SH2D3C: variants seen among roughly 807,000 people sequenced by gnomAD.
SH2D3C encodes the protein SH2 domain containing 3C, also known as SH2 domain-containing protein 3C.
SH2D3C carries 25 observed loss-of-function variants against 75.2 expected under a neutral mutation model. The ratio of observed to expected loss-of-function variants is 0.33; its 90% confidence interval spans 0.24 to 0.46. The LOEUF (loss-of-function observed/expected upper bound fraction) is 0.46. SH2D3C is among the 20% of genes least tolerant of loss of function. The pLI, the probability that SH2D3C is intolerant of heterozygous loss-of-function variation, is 1.00. For missense variants in SH2D3C, 933 were observed against 1,165.3 expected, an observed-to-expected ratio of 0.80 and a Z score of 2.90; for synonymous variants, 450 against 473.7, an observed-to-expected ratio of 0.95 and a Z score of 0.65.
intron 3 of SH2D3C, among the ~76,000 whole-genome samples, chr9:127,755,498 G>C (rs1311364411): frequency 2.0e-5 from 3 of 152,216 alleles, no homozygotes; most frequent in African/African-American, 7.2e-5. Context: ...AGCGGGATCG[G>C]GTGGGGACCC....
At chr9:127,765,358 G>T (rs1845614201) in intron 2 of SH2D3C, among the ~76,000 whole-genome samples, 1 of 152,156 alleles carries the variant, frequency 6.6e-6, no homozygotes, top group Non-Finnish European at 1.5e-5. Context: ...TAGAATGTCA[G>T]CCCCACAAGG....
intron 1 of SH2D3C, among the ~76,000 whole-genome samples, chr9:127,775,440 G>T (rs939238774): frequency 1.3e-5 from 2 of 151,942 alleles, no homozygotes; most frequent in African/African-American, 4.8e-5. Context: ...GACCAGCCTG[G>T]TCAACATGGT....
intron 6 of SH2D3C, among the ~76,000 whole-genome samples, chr9:127,746,503 T>C (rs1359027725): frequency 6.6e-6 from 1 of 152,198 alleles, no homozygotes; most frequent in Non-Finnish European, 1.5e-5. Flanking sequence ...AAAAATAAAG[T>C]CTATTAAGAA....
At chr9:127,761,563 C>G in intron 3 of SH2D3C, 48 bp downstream of exon 3, 1 of 1,429,062 alleles carries the variant, frequency 7.0e-7, no homozygotes. Context: ...GGAGCAGGCT[C>G]TGAGACCTTC....
intron 3 of SH2D3C, chr9:127,755,203 T>G: frequency 8.9e-7 from 1 of 1,123,224 alleles, no homozygotes; most frequent in Non-Finnish European, 1.1e-6. Context: ...GGGGGGGCGG[T>G]GGCCGGCGGG....
Position 127,774,158 on chromosome 9 carries a change from C to T in SH2D3C, c.347G>A (p.Gly116Asp), listed in dbSNP as rs372714580. Residue 116 changes from glycine (G) to aspartate (D), a missense_variant, in exon 2 of 12, where the codon GGC becomes GAC. Coordinates refer to ENST00000314830, the MANE Select transcript of SH2D3C (RefSeq NM_170600.3). The surrounding 1 kb of genome is among the most constrained non-coding windows in gnomAD (Gnocchi z 4.3). ...LVPGGVPDPP[G>D]LEAAKEVMVK... Reference sequence around the variant, plus strand: ...CATCACCTCTTTGGCTGCCTCCAAGCCTGGGGGGTCGGGTACACCTCCGGG... The same window carrying T: ...CATCACCTCTTTGGCTGCCTCCAAGTCTGGGGGGTCGGGTACACCTCCGGG... 5.1e-5 allele frequency: 83 copies of T among 1,613,964 alleles called. No homozygotes were observed. Among genetic ancestry groups the T allele is most frequent in the Non-Finnish European group, 6.5e-5 (77 of 1,180,006 alleles).
chr9:127,771,437 T>G, intron 2 of SH2D3C: 1 of 1,215,360 alleles, frequency 8.2e-7, no homozygotes, highest in Non-Finnish European at 1.1e-6. Flanking sequence ...GCTCTCCGCC[T>G]CGAACACGGC....
chr9:127,740,118 C>T lies in SH2D3C; in HGVS notation c.2200+140G>A, dbSNP rs576427550. ...AGCCTGGACATGAACAGGGCTGACA[C>T]AGCTGCCAGCAGGAACAGTGAGCTC... On this transcript the variant is annotated intron_variant, in intron 10 of 11. Transcript: ENST00000314830. 8.0e-4 allele frequency: 630 copies of T among 789,354 alleles called. 4 individuals carry two copies. The South Asian group carries it at 0.01, about 13-fold the overall frequency. 48.9% of individuals were successfully genotyped at this position (789,354 alleles called of 1,614,324 possible).
intron 6 of SH2D3C, among the ~76,000 whole-genome samples, chr9:127,746,527 G>T (rs1437696695): frequency 6.6e-6 from 1 of 152,226 alleles, no homozygotes; most frequent in African/African-American, 2.4e-5. Context: ...TAGAGGCCAG[G>T]TGCAGTGGCT....
intron 2 of SH2D3C, chr9:127,762,283 C>A: frequency 7.9e-7 from 1 of 1,263,594 alleles, no homozygotes; most frequent in South Asian, 1.3e-5. Flanking sequence ...TTCCTTCCTC[C>A]TGAGGGCCAC....
Position 127,774,192 on chromosome 9 carries a change from T to C in SH2D3C, c.313A>G (p.Asn105Asp), listed in dbSNP as rs1311166686. ...TCGGGTACACCTCCGGGTACCAAGT[T>C]GGGCTTGGGACCCGCCTCCTGGGCC... ...RQAQEAGPKPNLVPGGVPDPP... is the reference protein window; with the variant it reads ...RQAQEAGPKPDLVPGGVPDPP... The change falls in exon 2 of 12, where the codon AAC (asparagine) becomes GAC (aspartate). Residue 105 changes from asparagine (N) to aspartate (D), a missense_variant. Physicochemically the swap from Asn to Asp is conservative, Grantham distance 23. Transcript: ENST00000314830. This position sits in a 1 kb window ranked among gnomAD's most constrained non-coding sequence, Gnocchi z 4.3. 2 of 1,613,912 alleles carry C rather than the reference T, an allele frequency of 1.2e-6. No homozygotes were observed. Among genetic ancestry groups the C allele is most frequent in the South Asian group, 2.2e-5 (2 of 91,058 alleles).
At chr9:127,762,582 T>C (rs1330776413) in intron 2 of SH2D3C, 1 of 152,224 alleles carries the variant, frequency 6.6e-6, no homozygotes, top group Non-Finnish European at 1.5e-5. Flanking sequence ...CCACGCCCAG[T>C]CCACCAGGAA....
chr9:127,745,040 C>A lies in SH2D3C; in HGVS notation c.1324G>T (p.Val442Phe). Residue 442 changes from valine to phenylalanine, a missense_variant, in exon 7 of 12, where the codon GTC (valine) becomes TTC (phenylalanine). Physicochemically the swap from Val to Phe is conservative, Grantham distance 50 (BLOSUM62 -1). Transcript: ENST00000314830. ...TGGGGCTCACTGGAACGGCGGGCGA[C>A]AGGGGAGGCAGGCAATGCTGTGGCA... ...PSATALPASPVARRSSEPQLC... is the reference protein window; with the variant it reads ...PSATALPASPFARRSSEPQLC... 6.6e-7 allele frequency: 1 copy of A among 1,511,018 alleles called. No homozygotes were observed. The highest frequency in any genetic ancestry group is 2.3e-5 in the East Asian group (1 of 43,810). The allele number at this position is 1,511,018 out of a possible 1,614,324, so 93.6% of individuals were successfully genotyped here.
rs1193010810 is a variant in SH2D3C, at chr9:127,751,384, C to T, written c.556-84G>A. ...CCAACTTCATTCTACCATGGATGAA[C>T]TCCTCCTATCCTGGGACTCTGGGAA... On this transcript the variant is annotated intron_variant, in intron 3 of 11. Coordinates refer to ENST00000314830, the MANE Select transcript of SH2D3C (RefSeq NM_170600.3). This position sits in a 1 kb window ranked among gnomAD's most constrained non-coding sequence, Gnocchi z 4.1. 10 of 1,331,628 alleles carry T rather than the reference C, an allele frequency of 7.5e-6. No homozygotes were observed. Among genetic ancestry groups the T allele is most frequent in the Non-Finnish European group, 1.1e-5 (10 of 938,712 alleles). 82.5% of individuals were successfully genotyped at this position (1,331,628 alleles called of 1,614,324 possible). A position where few individuals can be genotyped will look rare whatever the true frequency, so the allele number is the denominator to read the frequency against.
chr9:127,761,508 C>A, intron 3 of SH2D3C, 103 bp downstream of exon 3: 1 of 785,632 alleles, frequency 1.3e-6, no homozygotes, highest in Non-Finnish European at 2.1e-6. Context: ...ACAGTGAGGT[C>A]TGGCTCCTAA....
At position 127,739,947 on chromosome 9, in the gene SH2D3C, A is replaced by C; in HGVS notation, c.2201-59T>G. The C allele has an allele frequency of 7.0e-7, 1 of 1,430,760 alleles. No individual in the cohort carries two copies. Among genetic ancestry groups the C allele is most frequent in the Non-Finnish European group, 9.4e-7 (1 of 1,069,342 alleles). 88.6% of individuals were successfully genotyped at this position (1,430,760 alleles called of 1,614,324 possible). A position where few individuals can be genotyped will look rare whatever the true frequency, so the allele number is the denominator to read the frequency against. On this transcript the variant is annotated intron_variant, in intron 10 of 11. Transcript: ENST00000314830. The surrounding 1 kb of genome is among the most constrained non-coding windows in gnomAD (Gnocchi z 4.3). ...CCTGTAGTGCCCCACCATCCACTGC[A>C]GTCCTGGAAGCTGAGGTGCAGGAGG...
intron 9 of SH2D3C, 124 bp downstream of exon 9, chr9:127,741,664 A>T: frequency 1.7e-6 from 2 of 1,168,174 alleles, no homozygotes; most frequent in Non-Finnish European, 2.4e-6. Flanking sequence ...TCTCCCGGGT[A>T]GTCTCACCAA....
In SH2D3C at chr9:127,738,710, G is replaced by A. The variant is rs375885407; in HGVS notation, c.*36C>T. On this transcript the variant is annotated 3_prime_UTR_variant, in exon 12 of 12. Transcript: ENST00000314830. The surrounding 1 kb of genome is among the most constrained non-coding windows in gnomAD (Gnocchi z 5.0). The stretch of plus-strand genomic sequence containing the variant: ...AGTTGTGTGCCCCTCTGCCCCTGAC[G>A]CTGTCCGCAGCTGCAGAGGGGAAAT... 7.2e-6 allele frequency: 11 copies of A among 1,530,596 alleles called. No homozygotes were observed. The highest frequency in any genetic ancestry group is 1.7e-4 in the Middle Eastern group (1 of 5,784). The allele number at this position is 1,530,596 out of a possible 1,614,324, so 94.8% of individuals were successfully genotyped here. A position where few individuals can be genotyped will look rare whatever the true frequency, so the allele number is the denominator to read the frequency against.
At position 127,739,902 on chromosome 9, in the gene SH2D3C, G is replaced by A; in HGVS notation, c.2201-14C>T. 1 of 1,504,392 alleles carries A rather than the reference G, an allele frequency of 6.6e-7. No homozygotes were observed. The highest frequency in any genetic ancestry group is 8.9e-7 in the Non-Finnish European group (1 of 1,119,020). The allele number at this position is 1,504,392 out of a possible 1,614,324, so 93.2% of individuals were successfully genotyped here. On this transcript the variant is annotated splice_polypyrimidine_tract_variant and intron_variant, in intron 10 of 11. Transcript: ENST00000314830. This position sits in a 1 kb window ranked among gnomAD's most constrained non-coding sequence, Gnocchi z 4.3. Reference sequence around the variant, plus strand: ...GCGGCGGGCCTTCTGCAAGGAGAAAGGCAGCAGGCGCTTAAAGATCCTGTA... The same window carrying A: ...GCGGCGGGCCTTCTGCAAGGAGAAAAGCAGCAGGCGCTTAAAGATCCTGTA...
Sources: allele counts gnomAD v4.1 joint callset (sites outside exome capture counted in the v4.1 genomes callset), GRCh38; gene constraint gnomAD v4.1.1; non-coding constraint Gnocchi (gnomAD v3.1); transcripts MANE v1.5; gene names NCBI Gene and HGNC (gene_info 2026-07-23, HGNC 2026-07-21).